LPA: variants seen among roughly 807,000 people sequenced by gnomAD.
LPA encodes the protein apolipoprotein(a).
A neutral mutation model predicts 197.9 loss-of-function variants in LPA; 199 were observed. That is an observed-to-expected ratio of 1.01 (90% CI 0.90 to 1.13). The LOEUF is 1.13. Among genes scored for constraint, LPA ranks in the 50% most tolerant of loss-of-function variants. The probability of loss-of-function intolerance (pLI) is 0.00; values close to 1 mark genes in which losing one functional copy is unlikely to be tolerated. For missense variants in LPA, 1,853 were observed against 1,785.8 expected (o/e 1.04, Z -0.68); for synonymous variants, 715 against 639.5 (o/e 1.12, Z -1.78).
At position 160,589,824 on chromosome 6, in the gene LPA, C is replaced by A. The variant is rs1018776558; in HGVS notation, c.3788-112G>T. 21 of 1,247,744 alleles carry A rather than the reference C, an allele frequency of 1.7e-5. No homozygotes were observed. In the African/African-American group the frequency reaches 3.0e-4, roughly 18 times the overall value. The allele number at this position is 1,247,744 out of a possible 1,614,324, so 77.3% of individuals were successfully genotyped here. On this transcript the variant is annotated intron_variant, in intron 23 of 38. Coordinates refer to ENST00000316300, the MANE Select transcript of LPA (RefSeq NM_005577.4). ...CATCTCTGAAAATGACGACCATGCT[C>A]TGTTCTACATTAGTAGGCAGATGGA...
chr6:160,594,982 A>C (rs1024881960), intron 21 of LPA, among the ~76,000 whole-genome samples: 2 of 152,216 alleles, frequency 1.3e-5, no homozygotes, highest in African/African-American at 4.8e-5. Context: ...TGCAATGAAC[A>C]CTGACTACTT....
intron 24 of LPA, among the ~76,000 whole-genome samples, chr6:160,588,298 C>A (rs1002286667): frequency 3.3e-5 from 5 of 151,668 alleles, no homozygotes; most frequent in African/African-American, 4.8e-5. Context: ...ACTTGGAGAT[C>A]ATTTGGATCC....
chr6:160,541,504 A>C (rs892443219), intron 34 of LPA, among the ~76,000 whole-genome samples: 3 of 152,168 alleles, frequency 2.0e-5, no homozygotes, highest in African/African-American at 7.2e-5. Flanking sequence ...ACTCTGACAA[A>C]AGTGACCAGC....
intron 28 of LPA, among the ~76,000 whole-genome samples, chr6:160,560,514 G>C (rs189239644): frequency 1.3e-5 from 2 of 152,228 alleles, no homozygotes; most frequent in Non-Finnish European, 2.9e-5. Context: ...TCTCATTGTG[G>C]TTTCGATTTG....
chr6:160,566,375 C>A (rs1778455248), intron 28 of LPA, among the ~76,000 whole-genome samples: 1 of 152,334 alleles, frequency 6.6e-6, no homozygotes, highest in South Asian at 2.1e-4. Flanking sequence ...CTGAGAATAT[C>A]ATATCCAGCC....
intron 28 of LPA, among the ~76,000 whole-genome samples, chr6:160,571,853 T>C (rs894361514): frequency 6.6e-6 from 1 of 152,168 alleles, no homozygotes; most frequent in Non-Finnish European, 1.5e-5. Context: ...CTTAGCTCCC[T>C]GGCTTCAGCC....
intron 20 of LPA, among the ~76,000 whole-genome samples, chr6:160,597,057 A>C (rs746243319): frequency 6.6e-6 from 1 of 152,158 alleles, no homozygotes; most frequent in Non-Finnish European, 1.5e-5. Context: ...GTATGACTTT[A>C]ATTCTTTTAA....
rs121912503 is a variant in LPA, at chr6:160,650,438, G to T, written c.109C>A (p.Arg37=). ...DCYHGDGQSY[R]GTYSTTVTGR... Reference sequence around the variant, plus strand: ...GTGACAGTGGTGGAGTACGTGCCTCGATAACTCTGTCCATCACCATGGTAG... The same window carrying T: ...GTGACAGTGGTGGAGTACGTGCCTCTATAACTCTGTCCATCACCATGGTAG... Residue 37 remains arginine, a synonymous_variant, in exon 2 of 39, where the codon CGA becomes AGA. Transcript: ENST00000316300. 1.2e-6 allele frequency: 2 copies of T among 1,613,808 alleles called. No individual in the cohort carries two copies. The highest frequency in any genetic ancestry group is 2.2e-5 in the South Asian group (2 of 91,082).
intron 28 of LPA, among the ~76,000 whole-genome samples, chr6:160,570,097 A>G (rs1800693969): frequency 6.6e-6 from 1 of 152,246 alleles, no homozygotes; most frequent in Non-Finnish European, 1.5e-5. Flanking sequence ...AGGATTTAGA[A>G]CTAGAAATAC....
intron 24 of LPA, among the ~76,000 whole-genome samples, chr6:160,587,797 G>C (rs56346562): frequency 0.19 from 24,906 of 131,518 alleles, 2,347 homozygotes; most frequent in East Asian, 0.32. Context: ...GTGTGTGTGT[G>C]TGTTTCTGTC....
At chr6:160,539,299 T>A (rs1260727977) in intron 36 of LPA, among the ~76,000 whole-genome samples, 1 of 152,230 alleles carries the variant, frequency 6.6e-6, no homozygotes, top group African/African-American at 2.4e-5. Flanking sequence ...TACTGTCACC[T>A]AGGTCCAAAT....
chr6:160,557,158 A>C (rs1778277866), intron 29 of LPA, among the ~76,000 whole-genome samples: 1 of 151,994 alleles, frequency 6.6e-6, no homozygotes, highest in African/African-American at 2.4e-5. Flanking sequence ...CCCCTTTCAT[A>C]ACAAAGTGAG....
chr6:160,591,212 T>C (rs1562334881), intron 22 of LPA, 111 bp from the exon 23 acceptor site: 3 of 1,355,070 alleles, frequency 2.2e-6, no homozygotes, highest in Admixed American at 1.9e-5. Context: ...TTTGAAATAT[T>C]CTCACTAAAG....
At chr6:160,605,574 A>C (rs1332649447) in intron 17 of LPA, among the ~76,000 whole-genome samples, 1 of 152,220 alleles carries the variant, frequency 6.6e-6, no homozygotes, top group Non-Finnish European at 1.5e-5. Flanking sequence ...TGGGGCAGCA[A>C]ACAGCAAAGC....
intron 21 of LPA, among the ~76,000 whole-genome samples, chr6:160,594,780 G>A (rs1190788211): frequency 6.6e-6 from 1 of 152,182 alleles, no homozygotes; most frequent in South Asian, 2.1e-4. Context: ...AGAACACTGA[G>A]AGATCCCTCC....
chr6:160,591,382 C>T (rs1413915125), intron 22 of LPA, among the ~76,000 whole-genome samples: 3 of 152,188 alleles, frequency 2.0e-5, no homozygotes, highest in African/African-American at 7.2e-5. Context: ...GAATACCCTC[C>T]TTCCACCTTC....
chr6:160,583,206 T>G (rs1778833043), intron 26 of LPA, among the ~76,000 whole-genome samples: 1 of 152,206 alleles, frequency 6.6e-6, no homozygotes, highest in South Asian at 2.1e-4. Flanking sequence ...CTCCTGGTTA[T>G]GGGTCACACT....
At chr6:160,541,928 G>A (rs540167618) in intron 34 of LPA, among the ~76,000 whole-genome samples, 5 of 152,330 alleles carry the variant, frequency 3.3e-5, no homozygotes, top group South Asian at 2.1e-4. Context: ...AATGCGATGC[G>A]ATCAGGTTTG....
chr6:160,587,751 TTGTGTGTGTGTGTGTGTGTG>T (rs67979615), intron 24 of LPA, among the ~76,000 whole-genome samples: 2 of 125,382 alleles, frequency 1.6e-5, no homozygotes, highest in African/African-American at 3.1e-5. Flanking sequence ...GGTTCAGTCT[TTGTGTGTGTGTGTGTGTGTG>T]TGTGTGTGTG....
Sources: gnomAD v4.1 joint callset for allele counts (sites outside exome capture counted in the v4.1 genomes callset) on GRCh38, gnomAD v4.1.1 for gene constraint, MANE v1.5 for transcripts, NCBI Gene and HGNC (gene_info 2026-07-23, HGNC 2026-07-21) for gene names.